Variants in SPOCK3 observed in about 807,000 individuals in gnomAD.
SPOCK3 encodes the protein testican-3.
SPOCK3 carries 30 observed loss-of-function variants against 56.6 expected under a neutral mutation model. That is an observed-to-expected ratio of 0.53 (90% confidence interval 0.40 to 0.72). The LOEUF (loss-of-function observed/expected upper bound fraction) is 0.72. SPOCK3 is among the 30% of genes least tolerant of loss of function. The pLI, the probability that SPOCK3 is intolerant of heterozygous loss-of-function variation, is 0.00. For synonymous variants in SPOCK3, 196 were observed against 183.3 expected (o/e 1.07, Z -0.56); for missense variants, 527 against 530.0 (o/e 0.99, Z 0.06).
At chr4:167,124,620 A>G (rs1762121937) in intron 2 of SPOCK3, among the ~76,000 whole-genome samples, 1 of 151,906 alleles carries the variant, frequency 6.6e-6, no homozygotes. Context: ...TAAATGATGC[A>G]ACAGCTTTCT....
intron 4 of SPOCK3, among the ~76,000 whole-genome samples, chr4:166,996,303 T>A (rs1017551773): frequency 6.6e-6 from 1 of 152,172 alleles, no homozygotes; most frequent in Non-Finnish European, 1.5e-5. Context: ...TTCCTTTTAA[T>A]ATCAGCAGCA....
chr4:166,798,657 C>T (rs1213523405), intron 6 of SPOCK3, among the ~76,000 whole-genome samples: 1 of 152,188 alleles, frequency 6.6e-6, no homozygotes, highest in East Asian at 1.9e-4. Flanking sequence ...ACACATCCCT[C>T]TTGGCACCAT....
At chr4:167,000,208 T>C (rs1224571516) in intron 4 of SPOCK3, 141 bp downstream of exon 4, 10 of 451,242 alleles carry the variant, frequency 2.2e-5, no homozygotes, top group African/African-American at 2.0e-5. Context: ...TGAATCATAA[T>C]TGTATTAACT....
At chr4:166,739,109 C>A (rs1037042080) in intron 9 of SPOCK3, among the ~76,000 whole-genome samples, 21 of 152,280 alleles carry the variant, frequency 1.4e-4, no homozygotes, top group South Asian at 2.1e-4. Flanking sequence ...GTTCCTATTT[C>A]TCCACATCCT....
intron 4 of SPOCK3, among the ~76,000 whole-genome samples, chr4:166,927,869 T>TA (rs1485195453): frequency 1.3e-5 from 2 of 151,522 alleles, no homozygotes; most frequent in Non-Finnish European, 2.9e-5. Context: ...GAAAATAATA[T>TA]AAAAAACTCA....
intron 3 of SPOCK3, among the ~76,000 whole-genome samples, chr4:167,012,578 A>T (rs1579993049): frequency 6.6e-6 from 1 of 152,102 alleles, no homozygotes; most frequent in East Asian, 1.9e-4. Flanking sequence ...TAAGTTGGAC[A>T]GTTATCATGA....
At position 167,040,728 on chromosome 4, in the gene SPOCK3, TATAAC is replaced by T. The variant is rs1277990255; in HGVS notation, c.235+21759_235+21763del. Among the ~76,000 whole-genome samples the T allele has an allele frequency of 3.9e-5, 6 of 152,330 alleles. No homozygotes were observed. The East Asian group carries it at 1.2e-3, about 29-fold the overall frequency. Reference sequence around the variant, plus strand: ...TGTAAACTATGGCAGAATGAAATGTTATAACATGTCAATATTTACATTCAAAGATA... The same window carrying T: ...TGTAAACTATGGCAGAATGAAATGTTATGTCAATATTTACATTCAAAGATA... On this transcript the variant is annotated intron_variant, in intron 3 of 10. Transcript: ENST00000357545.
In SPOCK3 at chr4:167,234,004, T is replaced by C. The variant is rs760401156; in HGVS notation, c.170A>G (p.Gln57Arg). ...ACTTACGTCTCGGAATTTGTTCCAC[T>C]GTCCGACTTCCTTGTCATACTGAGA... ...TISQYDKEVG[Q>R]WNKFRDDDYF... Residue 57 changes from glutamine (Q) to arginine (R), a missense_variant, in exon 2 of 11, where the codon CAG (glutamine) becomes CGG (arginine). Gln to Arg is a conservative substitution (Grantham distance 43, BLOSUM62 1). Coordinates refer to ENST00000357545, the MANE Select transcript of SPOCK3 (RefSeq NM_001040159.2). 8.7e-6 allele frequency: 14 copies of C among 1,613,696 alleles called. No individual in the cohort carries two copies. The Admixed American group carries it at 1.5e-4, about 17-fold the overall frequency.
intron 2 of SPOCK3, among the ~76,000 whole-genome samples, chr4:167,169,250 C>T (rs1439052033): frequency 6.6e-6 from 1 of 152,136 alleles, no homozygotes; most frequent in East Asian, 1.9e-4. Flanking sequence ...AATAGTGGAT[C>T]CACTGACAGC....
chr4:166,804,458 A>G (rs1742942158), intron 6 of SPOCK3, among the ~76,000 whole-genome samples: 1 of 152,082 alleles, frequency 6.6e-6, no homozygotes, highest in Non-Finnish European at 1.5e-5. Context: ...GGGATTCAAC[A>G]TATGATGCAA....
chr4:167,234,429 A>C, intron 1 of SPOCK3, 21 bp downstream of exon 1: 2 of 560,064 alleles, frequency 3.6e-6, no homozygotes, highest in Admixed American at 3.1e-5. Flanking sequence ...GCGGGCACAA[A>C]ACCGCTTCCT....
chr4:167,148,861 C>T (rs761968783), intron 2 of SPOCK3, among the ~76,000 whole-genome samples: 3 of 151,952 alleles, frequency 2.0e-5, no homozygotes, highest in African/African-American at 7.2e-5. Context: ...AAGGTGAATA[C>T]ATTTGTTCTG....
intron 6 of SPOCK3, among the ~76,000 whole-genome samples, chr4:166,816,783 T>C (rs533543444): frequency 6.6e-6 from 1 of 151,910 alleles, no homozygotes; most frequent in Non-Finnish European, 1.5e-5. Context: ...ATAAAAACAT[T>C]AAGGAAAACA....
At chr4:167,132,696 A>T (rs572880568) in intron 2 of SPOCK3, among the ~76,000 whole-genome samples, 1 of 152,150 alleles carries the variant, frequency 6.6e-6, no homozygotes, top group East Asian at 1.9e-4. Context: ...AGGGGAACAA[A>T]TCCATTCTTT....
chr4:167,212,440 T>A (rs1475568555), intron 2 of SPOCK3, among the ~76,000 whole-genome samples: 1 of 151,884 alleles, frequency 6.6e-6, no homozygotes, highest in Non-Finnish European at 1.5e-5. Context: ...CGGGGTTTCA[T>A]CATGTTGGCC....
At chr4:167,069,100 C>T (rs1390933490) in intron 2 of SPOCK3, among the ~76,000 whole-genome samples, 5 of 151,954 alleles carry the variant, frequency 3.3e-5, no homozygotes, top group Non-Finnish European at 7.4e-5. Flanking sequence ...GCTTTCCTCA[C>T]TGCATATTCA....
intron 2 of SPOCK3, among the ~76,000 whole-genome samples, chr4:167,209,792 T>A (rs1010072873): frequency 1.4e-4 from 22 of 152,078 alleles, no homozygotes; most frequent in Admixed American, 9.2e-4. Context: ...ACAAAAAAAA[T>A]TTTTAAACCT....
chr4:167,068,509 T>C (rs1437640761), intron 2 of SPOCK3, among the ~76,000 whole-genome samples: 1 of 151,702 alleles, frequency 6.6e-6, no homozygotes, highest in African/African-American at 2.4e-5. Context: ...TTTATTAAAT[T>C]ATATCATGTA....
intron 6 of SPOCK3, among the ~76,000 whole-genome samples, chr4:166,811,036 A>G (rs1743713378): frequency 1.3e-5 from 2 of 151,898 alleles, no homozygotes; most frequent in Non-Finnish European, 2.9e-5. Flanking sequence ...GTATTGACCA[A>G]AAGTTTAAAA....
Sources: allele counts gnomAD v4.1 joint callset (sites outside exome capture counted in the v4.1 genomes callset), GRCh38; gene constraint gnomAD v4.1.1; transcripts MANE v1.5; gene names NCBI Gene and HGNC (gene_info 2026-07-23, HGNC 2026-07-21).